MGAM2: variants seen among roughly 807,000 people sequenced by gnomAD.
MGAM2 encodes the protein probable maltase-glucoamylase 2.
In MGAM2, 98 loss-of-function variants were observed where a neutral mutation model predicts 96.1. The ratio of observed to expected loss-of-function variants is 1.02; its 90% CI spans 0.87 to 1.21. The LOEUF (loss-of-function observed/expected upper bound fraction) is 1.21, where lower values mean the gene tolerates loss of function less well. Among genes scored for constraint, MGAM2 ranks in the 50% most tolerant of loss-of-function variants. The pLI is 0.00. For missense variants in MGAM2, 2,055 were observed against 1,182.4 expected, an observed-to-expected ratio of 1.74 and a Z score of -10.82; for synonymous variants, 749 against 414.8, an observed-to-expected ratio of 1.81 and a Z score of -9.79.
intron 33 of MGAM2, among the ~76,000 whole-genome samples, chr7:142,184,506 T>C (rs1387142509): frequency 6.6e-6 from 1 of 152,242 alleles, no homozygotes; most frequent in Non-Finnish European, 1.5e-5. Flanking sequence ...ATACAGATCC[T>C]GGAAGAGTGC....
At chr7:142,207,257 G>A (rs953388872) in intron 45 of MGAM2, among the ~76,000 whole-genome samples, 10 of 152,090 alleles carry the variant, frequency 6.6e-5, no homozygotes, top group Non-Finnish European at 1.0e-4. Flanking sequence ...AACAGTGTGA[G>A]GAGATATTTA....
Position 142,220,129 on chromosome 7 carries a change from C to G in MGAM2, c.5618C>G (p.Thr1873Ser). ...TTCCCAAGTACTACTAGTGTTACAA[C>G]TAATACTACTGTTCCTGATACAACT... The part of the protein sequence containing the change: ...TSFPSTTSVT[T>S]NTTVPDTTSP... Residue 1873 changes from threonine (T) to serine (S), a missense_variant, in exon 48 of 48, where the codon ACT becomes AGT. Transcript: ENST00000477922. 1 of 702,872 alleles carries G rather than the reference C, an allele frequency of 1.4e-6. No homozygotes were observed. The highest frequency in any genetic ancestry group is 2.7e-5 in the East Asian group (1 of 37,270). 43.5% of individuals were successfully genotyped at this position (702,872 alleles called of 1,614,324 possible).
rs1794862621 is a variant in MGAM2 at position 142,130,863 on chromosome 7, G to A, written c.187-85G>A. ...TATAACCTATCTTAAATTCTCCTTG[G>A]AATAAAATGGGTTATAAATAAATAG... is the stretch of plus-strand genomic sequence containing the variant. On this transcript the variant is annotated intron_variant, in intron 3 of 47. Transcript: ENST00000477922. The A allele has an allele frequency of 9.4e-6, 6 of 640,034 alleles. No individual in the cohort carries two copies. In the South Asian group the frequency reaches 1.0e-4, roughly 11 times the overall value. 39.6% of individuals were successfully genotyped at this position (640,034 alleles called of 1,614,324 possible).
At chr7:142,176,415 A>C (rs1479869984) in intron 32 of MGAM2, among the ~76,000 whole-genome samples, 1 of 152,156 alleles carries the variant, frequency 6.6e-6, no homozygotes, top group Admixed American at 6.6e-5. Flanking sequence ...TAATTCACGT[A>C]TTTATTGAAC....
At chr7:142,208,007 T>A (rs1287928721) in intron 45 of MGAM2, among the ~76,000 whole-genome samples, 1 of 152,104 alleles carries the variant, frequency 6.6e-6, no homozygotes. Flanking sequence ...CAGTGAGCAA[T>A]CAATTTTAAG....
chr7:142,150,560 A>G (rs899133866), intron 15 of MGAM2, among the ~76,000 whole-genome samples: 1 of 152,162 alleles, frequency 6.6e-6, no homozygotes, highest in Non-Finnish European at 1.5e-5. Flanking sequence ...GAACAGCTGC[A>G]TCAGCATCAC....
At chr7:142,149,594 G>A (rs1795495613) in intron 15 of MGAM2, among the ~76,000 whole-genome samples, 1 of 151,982 alleles carries the variant, frequency 6.6e-6, no homozygotes, top group Admixed American at 6.5e-5. Flanking sequence ...AGGCTGGAGT[G>A]CAGTGGTGCG....
chr7:142,207,435 TA>T (rs1797440587), intron 45 of MGAM2, among the ~76,000 whole-genome samples: 1 of 152,166 alleles, frequency 6.6e-6, no homozygotes, highest in East Asian at 1.9e-4. Flanking sequence ...TATTTTTATT[TA>T]TTTTTTTGAG....
chr7:142,158,454 G>A, intron 19 of MGAM2, 122 bp downstream of exon 19: 1 of 576,086 alleles, frequency 1.7e-6, no homozygotes. Context: ...AAATGAGAGA[G>A]CTCATGAAAG....
intron 32 of MGAM2, among the ~76,000 whole-genome samples, chr7:142,180,607 T>C (rs1037277837): frequency 2.0e-5 from 3 of 152,218 alleles, no homozygotes; most frequent in African/African-American, 7.2e-5. Context: ...GAAATTTTCA[T>C]GGACAATATC....
At chr7:142,141,681 G>A (rs1795235423) in intron 12 of MGAM2, among the ~76,000 whole-genome samples, 1 of 151,950 alleles carries the variant, frequency 6.6e-6, no homozygotes, top group Non-Finnish European at 1.5e-5. Context: ...TGTATTTTTA[G>A]TAGAGACGGG....
intron 3 of MGAM2, among the ~76,000 whole-genome samples, chr7:142,123,259 A>C (rs2129074922): frequency 6.6e-6 from 1 of 152,210 alleles, no homozygotes; most frequent in Middle Eastern, 3.4e-3. Context: ...CGATTCAAAA[A>C]AATTTGCATC....
chr7:142,175,325 A>G (rs1269622513), intron 31 of MGAM2, among the ~76,000 whole-genome samples: 1 of 152,194 alleles, frequency 6.6e-6, no homozygotes, highest in African/African-American at 2.4e-5. Flanking sequence ...ACCCTTGAAC[A>G]TTTCAATTAG....
chr7:142,147,720 GAGTTC>G, intron 15 of MGAM2, 147 bp downstream of exon 15: 1 of 550,924 alleles, frequency 1.8e-6, no homozygotes, highest in South Asian at 2.5e-5. Context: ...GAGTATTTAA[GAGTTC>G]CTCTCATATA....
intron 25 of MGAM2, 57 bp downstream of exon 25, chr7:142,166,310 A>G: frequency 1.6e-6 from 1 of 636,362 alleles, no homozygotes; most frequent in Non-Finnish European, 2.8e-6. Context: ...GCACCTAGAA[A>G]ACACTTTTCA....
chr7:142,143,178 C>T (rs896611942), intron 12 of MGAM2, among the ~76,000 whole-genome samples: 144 of 152,208 alleles, frequency 9.5e-4, no homozygotes, highest in African/African-American at 3.3e-3. Flanking sequence ...AAACTGGTAT[C>T]CTTTTAATTA....
chr7:142,124,799 C>T (rs535409854), intron 3 of MGAM2, among the ~76,000 whole-genome samples: 82 of 151,878 alleles, frequency 5.4e-4, no homozygotes, highest in Non-Finnish European at 1.1e-3. Flanking sequence ...TACTTTTTTC[C>T]TATTTGATTC....
At chr7:142,123,076 C>T (rs2129074860) in intron 3 of MGAM2, among the ~76,000 whole-genome samples, 2 of 152,242 alleles carry the variant, frequency 1.3e-5, no homozygotes, top group East Asian at 3.9e-4. Context: ...CCCCCTTCAG[C>T]CTCCCAAAGT....
intron 23 of MGAM2, among the ~76,000 whole-genome samples, chr7:142,163,986 T>C (rs182456029): frequency 6.6e-6 from 1 of 152,356 alleles, no homozygotes; most frequent in Admixed American, 6.5e-5. Flanking sequence ...TCCTAGATTC[T>C]GAATATTATC....
Sources: allele counts gnomAD v4.1 joint callset (sites outside exome capture counted in the v4.1 genomes callset), GRCh38; gene constraint gnomAD v4.1.1; transcripts MANE v1.5; gene names NCBI Gene and HGNC (gene_info 2026-07-23, HGNC 2026-07-21).